TENM2: variants seen among roughly 807,000 people sequenced by gnomAD.
The protein encoded by TENM2 is teneurin transmembrane protein 2, also known as teneurin-2.
Under a neutral mutation model 245.2 loss-of-function variants are expected in TENM2, and 52 were observed. The ratio of observed to expected loss-of-function variants is 0.21; its 90% CI spans 0.17 to 0.27. The LOEUF (loss-of-function observed/expected upper bound fraction) is 0.27. TENM2 is among the 10% of genes least tolerant of loss of function. The probability of loss-of-function intolerance (pLI) is 1.00; values close to 1 mark genes in which losing one functional copy is unlikely to be tolerated. For missense variants in TENM2, 3,046 were observed against 3,666.8 expected (o/e 0.83, Z 4.37); for synonymous variants, 1,363 against 1,438.9 (o/e 0.95, Z 1.19).
the TENM2 span, among the ~76,000 whole-genome samples, chr5:167,167,038 T>A: frequency 6.6e-6 from 1 of 152,304 alleles, no homozygotes; most frequent in Admixed American, 6.5e-5. Context: ...TTTCAAGCTG[T>A]GGCTACCTGG....
the TENM2 span, among the ~76,000 whole-genome samples, chr5:167,213,410 G>A: frequency 6.6e-6 from 1 of 152,148 alleles, no homozygotes. Flanking sequence ...GGGTAAGGGA[G>A]TTATCCAGGG....
intron 2 of TENM2, among the ~76,000 whole-genome samples, chr5:167,754,184 C>T (rs1296142083): frequency 1.3e-5 from 2 of 152,288 alleles, no homozygotes; most frequent in Admixed American, 1.3e-4. Context: ...CTATAAGATA[C>T]TGCACCTTGT....
At chr5:166,989,474 C>T in the TENM2 span, among the ~76,000 whole-genome samples, 1 of 151,756 alleles carries the variant, frequency 6.6e-6, no homozygotes, top group African/African-American at 2.4e-5. Flanking sequence ...TCTCGATCTC[C>T]TGACCTCGTG....
intron 4 of TENM2, among the ~76,000 whole-genome samples, chr5:167,959,519 A>T (rs1780836041): frequency 6.6e-6 from 1 of 152,084 alleles, no homozygotes; most frequent in African/African-American, 2.4e-5. Flanking sequence ...ATGCTTCACG[A>T]AGTTCTTGTG....
intron 2 of TENM2, among the ~76,000 whole-genome samples, chr5:167,819,792 A>T (rs980988876): frequency 6.6e-6 from 1 of 152,156 alleles, no homozygotes; most frequent in Non-Finnish European, 1.5e-5. Flanking sequence ...TGAGGACAGA[A>T]TCATTGCTCT....
intron 2 of TENM2, among the ~76,000 whole-genome samples, chr5:167,460,101 C>G (rs1042490401): frequency 6.6e-6 from 1 of 152,132 alleles, no homozygotes; most frequent in Non-Finnish European, 1.5e-5. Context: ...GATACACCCT[C>G]TCACATCTGA....
chr5:167,446,470 C>T (rs1765213658), intron 2 of TENM2, among the ~76,000 whole-genome samples: 1 of 152,186 alleles, frequency 6.6e-6, no homozygotes, highest in African/African-American at 2.4e-5. Flanking sequence ...TGTATCCACA[C>T]ATTTCTTGGG....
intron 4 of TENM2, among the ~76,000 whole-genome samples, chr5:167,979,206 G>A (rs1048781412): frequency 6.6e-6 from 1 of 152,134 alleles, no homozygotes; most frequent in African/African-American, 2.4e-5. Context: ...TTGTTACACA[G>A]GTAGGGGGAA....
chr5:167,290,445 C>A (rs1322694111), intron 1 of TENM2, among the ~76,000 whole-genome samples: 1 of 152,130 alleles, frequency 6.6e-6, no homozygotes, highest in Non-Finnish European at 1.5e-5. Context: ...CAGTTATTGT[C>A]ACTTTAACCC....
At chr5:167,159,797 A>G in the TENM2 span, among the ~76,000 whole-genome samples, 2 of 152,190 alleles carry the variant, frequency 1.3e-5, no homozygotes, top group East Asian at 1.9e-4. Context: ...AAGCATTGCC[A>G]ATGATGGAAT....
At chr5:167,136,884 T>C in the TENM2 span, among the ~76,000 whole-genome samples, 881 of 152,328 alleles carry the variant, frequency 5.8e-3, 12 homozygotes, top group African/African-American at 0.02. Context: ...CTGACTGTAT[T>C]AGTCTATTCA....
intron 2 of TENM2, among the ~76,000 whole-genome samples, chr5:167,760,766 G>T (rs944384290): frequency 6.6e-6 from 1 of 152,304 alleles, no homozygotes; most frequent in African/African-American, 2.4e-5. Context: ...TGATTCTCCT[G>T]CCTCAGCCTC....
chr5:167,992,862 T>C, intron 4 of TENM2, 82 bp from the exon 7 acceptor site: 6 of 1,059,796 alleles, frequency 5.7e-6, no homozygotes, highest in Non-Finnish European at 7.3e-6. Context: ...TAGGACTAGA[T>C]AGAGCAGAGT....
intron 1 of TENM2, among the ~76,000 whole-genome samples, chr5:167,295,681 C>T (rs1754907928): frequency 6.6e-6 from 1 of 152,150 alleles, no homozygotes; most frequent in Non-Finnish European, 1.5e-5. Context: ...CCAGAAGCAT[C>T]CCTAGGGACA....
intron 7 of TENM2, among the ~76,000 whole-genome samples, chr5:168,064,611 C>T (rs1790336227): frequency 6.6e-6 from 1 of 152,210 alleles, no homozygotes; most frequent in African/African-American, 2.4e-5. Context: ...GTGGCTACGC[C>T]ACACTGTCCA....
In TENM2 at chr5:167,470,953, T is replaced by C. The variant is rs540479728; in HGVS notation, c.502+95480T>C. 2.7e-3 allele frequency among the ~76,000 whole-genome samples: 413 copies of C among 152,328 alleles called. 1 individual carries two copies. Among genetic ancestry groups the C allele is most frequent in the African/African-American group, 9.5e-3 (394 of 41,570 alleles). The stretch of plus-strand genomic sequence containing the variant: ...TTGAATGATAGCCAAAGGGTCTGTG[T>C]TCTTTCTCTCCAGCCTCATTAGATA... On this transcript the variant is annotated intron_variant, in intron 2 of 28. Coordinates refer to ENST00000518659, the Ensembl canonical transcript of TENM2.
At chr5:168,214,154 T>C (rs962685822) in intron 20 of TENM2, among the ~76,000 whole-genome samples, 5 of 152,162 alleles carry the variant, frequency 3.3e-5, no homozygotes, top group African/African-American at 9.7e-5. Context: ...TGGGTCAGAA[T>C]TGAGTTTAGA....
At chr5:167,678,115 A>G (rs959620394) in intron 2 of TENM2, among the ~76,000 whole-genome samples, 6 of 152,154 alleles carry the variant, frequency 3.9e-5, no homozygotes, top group Non-Finnish European at 5.9e-5. Flanking sequence ...ATACATATGC[A>G]AACACATGCA....
chr5:167,274,530 A>G, the TENM2 span, among the ~76,000 whole-genome samples: 1 of 151,700 alleles, frequency 6.6e-6, no homozygotes, highest in Non-Finnish European at 1.5e-5. Context: ...CCAGTAGTAC[A>G]GTTACTAGGT....
Sources: allele counts gnomAD v4.1 joint callset (sites outside exome capture counted in the v4.1 genomes callset), GRCh38; gene constraint gnomAD v4.1.1; transcripts MANE v1.5; gene names NCBI Gene and HGNC (gene_info 2026-07-23, HGNC 2026-07-21).